Variants in PARVB observed in about 807,000 individuals in gnomAD.
PARVB encodes the protein parvin beta, also known as beta-parvin.
A neutral mutation model predicts 47.0 loss-of-function variants in PARVB; 46 were observed. The observed-to-expected ratio is 0.98, with a 90% CI of 0.77 to 1.25. The LOEUF is 1.25. Among genes scored for constraint, PARVB ranks in the 50% most tolerant of loss-of-function variants. PARVB has a pLI of 0.00. For synonymous variants in PARVB, 196 were observed against 196.3 expected (o/e 1.00, Z 0.01); for missense variants, 473 against 471.6 (o/e 1.00, Z -0.03).
rs567789761 is a variant in PARVB at position 44,090,751 on chromosome 22, G to A, written c.113-3177G>A. 3.9e-5 allele frequency among the ~76,000 whole-genome samples: 6 copies of A among 152,344 alleles called. No homozygotes were observed. In the South Asian group the frequency reaches 6.2e-4, roughly 16 times the overall value. ...CTTTTGTTCTTCCTCTGCCATCAGC[G>A]TGAGCACTGCAGGCAGCTGTGCTGG... On this transcript the variant is annotated intron_variant, in intron 1 of 12. Coordinates refer to ENST00000338758, the MANE Select transcript of PARVB (RefSeq NM_013327.5).
intron 4 of PARVB, among the ~76,000 whole-genome samples, chr22:44,127,696 G>A (rs1358419174): frequency 7.7e-6 from 1 of 129,868 alleles, no homozygotes; most frequent in African/African-American, 2.7e-5. Flanking sequence ...GTTTCTAGGA[G>A]GTGAGAGGAG....
At chr22:44,052,708 T>C (rs1302180939) in intron 1 of PARVB, among the ~76,000 whole-genome samples, 1 of 152,180 alleles carries the variant, frequency 6.6e-6, no homozygotes, top group African/African-American at 2.4e-5. Flanking sequence ...TTTGGGAGGC[T>C]GAGGCAGGCG....
chr22:44,134,737 G>A (rs1484113261), intron 6 of PARVB, among the ~76,000 whole-genome samples: 1 of 152,190 alleles, frequency 6.6e-6, no homozygotes. Context: ...TGTAAGGGAT[G>A]TGGCATTTCC....
At chr22:44,130,590 G>A (rs1280509773) in intron 4 of PARVB, among the ~76,000 whole-genome samples, 1 of 152,130 alleles carries the variant, frequency 6.6e-6, no homozygotes, top group East Asian at 1.9e-4. Context: ...ACTTCCTATT[G>A]TGGCATTAGA....
rs949208307 is a variant in PARVB at position 44,042,448 on chromosome 22, A to G, written c.112+17997A>G. On this transcript the variant is annotated intron_variant, in intron 1 of 12. Transcript: ENST00000338758. ...AGGGGCTGGGGCTTTGGAACTGTAGAGGCTCATCTCCCCAGTAAGCTGTCA... is the reference window on the plus strand; with the variant it reads ...AGGGGCTGGGGCTTTGGAACTGTAGGGGCTCATCTCCCCAGTAAGCTGTCA... 2.0e-5 allele frequency among the ~76,000 whole-genome samples: 3 copies of G among 152,178 alleles called. No individual in the cohort carries two copies. In the South Asian group the frequency reaches 6.2e-4, roughly 32 times the overall value.
intron 1 of PARVB, among the ~76,000 whole-genome samples, chr22:44,050,189 G>A (rs555057522): frequency 2.5e-4 from 38 of 152,258 alleles, no homozygotes; most frequent in African/African-American, 8.9e-4. Context: ...ATATGCGGCC[G>A]TCTTAAGGTG....
At chr22:44,061,681 A>G (rs1038979305) in intron 1 of PARVB, among the ~76,000 whole-genome samples, 4 of 150,156 alleles carry the variant, frequency 2.7e-5, no homozygotes, top group African/African-American at 9.8e-5. Context: ...CAGTGGTGCA[A>G]TCTCGGCTCA....
At chr22:44,031,176 G>GTTT (rs2050819805) in intron 1 of PARVB, among the ~76,000 whole-genome samples, 1 of 152,218 alleles carries the variant, frequency 6.6e-6, no homozygotes, top group Non-Finnish European at 1.5e-5. Flanking sequence ...GAAAGGCACA[G>GTTT]TGAGGTCACT....
intron 1 of PARVB, among the ~76,000 whole-genome samples, chr22:44,030,625 C>T (rs2050808913): frequency 6.6e-6 from 1 of 151,992 alleles, no homozygotes; most frequent in South Asian, 2.1e-4. Context: ...TGGCACGGGG[C>T]ACAGGCAGTG....
chr22:44,083,567 A>G (rs767569065), intron 1 of PARVB, among the ~76,000 whole-genome samples: 7 of 152,070 alleles, frequency 4.6e-5, no homozygotes, highest in Non-Finnish European at 8.8e-5. Flanking sequence ...TGCTTTCCAG[A>G]CGGTGGGAAA....
At chr22:44,153,880 T>C (rs2147155774) in intron 10 of PARVB, among the ~76,000 whole-genome samples, 1 of 152,358 alleles carries the variant, frequency 6.6e-6, no homozygotes, top group Non-Finnish European at 1.5e-5. Context: ...CTGGATGTTT[T>C]TCTGCTCCTG....
intron 2 of PARVB, among the ~76,000 whole-genome samples, chr22:44,099,532 T>G (rs1177374854): frequency 6.6e-6 from 1 of 152,186 alleles, no homozygotes; most frequent in Non-Finnish European, 1.5e-5. Context: ...CCCCCACCTT[T>G]TTTTTTGCTA....
intron 1 of PARVB, among the ~76,000 whole-genome samples, chr22:44,085,342 C>T (rs933275084): frequency 2.0e-5 from 3 of 152,142 alleles, no homozygotes; most frequent in South Asian, 4.1e-4. Context: ...CAAGATCTGG[C>T]TCTGTCACCC....
intron 1 of PARVB, among the ~76,000 whole-genome samples, chr22:44,076,182 T>C (rs1267155707): frequency 3.3e-5 from 5 of 152,204 alleles, no homozygotes; most frequent in African/African-American, 1.2e-4. Context: ...GGTGGCCCTC[T>C]CAGAAAGAGT....
upstream of PARVB, among the ~76,000 whole-genome samples, chr22:44,023,712 C>T (rs889461625): frequency 6.6e-6 from 1 of 152,152 alleles, no homozygotes; most frequent in Non-Finnish European, 1.5e-5. Flanking sequence ...ACACTGTCCC[C>T]AGGGCCTGCT....
intron 1 of PARVB, among the ~76,000 whole-genome samples, chr22:44,084,206 T>C (rs1481534775): frequency 6.6e-6 from 1 of 152,214 alleles, no homozygotes; most frequent in African/African-American, 2.4e-5. Flanking sequence ...TCATTAGCTC[T>C]AACTGGGCCA....
chr22:44,154,571 G>T lies in PARVB; in HGVS notation c.843+3020G>T, dbSNP rs563056677. ...TGTGTGTGTGTGGTTTATGTAGTCT[G>T]GTGTGTGTGTGTGTGGTTTATGTAG... On this transcript the variant is annotated intron_variant, in intron 10 of 12. Transcript: ENST00000338758. 8.7e-4 allele frequency among the ~76,000 whole-genome samples: 123 copies of T among 142,044 alleles called. 1 individual carries two copies. The highest frequency in any genetic ancestry group is 1.7e-3 in the Non-Finnish European group (107 of 64,506). 93.2% of individuals were successfully genotyped at this position (142,044 alleles called of 152,430 possible).
intron 3 of PARVB, 21 bp from the exon 4 acceptor site, chr22:44,119,017 T>G (rs751432258): frequency 6.2e-5 from 98 of 1,573,130 alleles, no homozygotes; most frequent in Non-Finnish European, 7.8e-5. Context: ...ACTGAGGCCA[T>G]AATGCCTGCG....
chr22:44,153,435 TCTC>T (rs752818763), intron 10 of PARVB: 1 of 152,062 alleles, frequency 6.6e-6, no homozygotes, highest in Non-Finnish European at 1.5e-5. Flanking sequence ...TTCAAGCAAT[TCTC>T]CTCCCTCAGC....
Sources: allele counts gnomAD v4.1 joint callset (sites outside exome capture counted in the v4.1 genomes callset), GRCh38; gene constraint gnomAD v4.1.1; transcripts MANE v1.5; gene names NCBI Gene and HGNC (gene_info 2026-07-23, HGNC 2026-07-21).